SEMA6D: variants seen among roughly 807,000 people sequenced by gnomAD.
SEMA6D encodes the protein semaphorin 6D.
In SEMA6D, 35 loss-of-function variants were observed where a neutral mutation model predicts 106.6. The observed-to-expected ratio is 0.33, with a 90% confidence interval of 0.25 to 0.44. SEMA6D has a LOEUF of 0.44. Among genes scored for constraint, SEMA6D ranks in the 20% least tolerant of loss-of-function variants. SEMA6D has a pLI of 1.00. For synonymous variants in SEMA6D, 499 were observed against 487.7 expected, an observed-to-expected ratio of 1.02 and a Z score of -0.31; for missense variants, 1,185 against 1,345.9, an observed-to-expected ratio of 0.88 and a Z score of 1.87.
chr15:47,199,868 G>A (rs562879159), intron 1 of SEMA6D, among the ~76,000 whole-genome samples: 1 of 152,196 alleles, frequency 6.6e-6, no homozygotes, highest in South Asian at 2.1e-4. Context: ...TGTGCATTTT[G>A]CAGTGAGCTA....
At chr15:47,542,409 G>A (rs1279881116) in intron 3 of SEMA6D, among the ~76,000 whole-genome samples, 1 of 152,146 alleles carries the variant, frequency 6.6e-6, no homozygotes, top group African/African-American at 2.4e-5. Context: ...GCAGACCATA[G>A]AAATGTGTTT....
At chr15:47,515,678 G>A (rs2044365418) in intron 3 of SEMA6D, among the ~76,000 whole-genome samples, 1 of 152,192 alleles carries the variant, frequency 6.6e-6, no homozygotes, top group Non-Finnish European at 1.5e-5. Context: ...AGTTTGTGGA[G>A]AGCATTTCCT....
intron 1 of SEMA6D, among the ~76,000 whole-genome samples, chr15:47,305,522 T>C (rs930965775): frequency 7.2e-5 from 11 of 152,236 alleles, no homozygotes; most frequent in Non-Finnish European, 1.2e-4. Flanking sequence ...CTGTGTTCAC[T>C]AAAAATAAGG....
At chr15:47,541,794 G>T (rs1007249095) in intron 3 of SEMA6D, among the ~76,000 whole-genome samples, 3 of 152,122 alleles carry the variant, frequency 2.0e-5, no homozygotes, top group African/African-American at 4.8e-5. Flanking sequence ...GAGCTGCCAA[G>T]ATTACAATCA....
At chr15:47,303,899 C>T (rs982226121) in intron 1 of SEMA6D, among the ~76,000 whole-genome samples, 1 of 152,064 alleles carries the variant, frequency 6.6e-6, no homozygotes, top group East Asian at 1.9e-4. Flanking sequence ...TGCTGCCTCT[C>T]CTGATGACAA....
intron 3 of SEMA6D, among the ~76,000 whole-genome samples, chr15:47,593,563 A>C (rs548219906): frequency 6.6e-6 from 1 of 152,174 alleles, no homozygotes; most frequent in South Asian, 2.1e-4. Context: ...TTCAAACACC[A>C]AGACATTCTC....
intron 4 of SEMA6D, among the ~76,000 whole-genome samples, chr15:47,699,017 G>A (rs909494682): frequency 1.3e-5 from 2 of 152,148 alleles, no homozygotes; most frequent in African/African-American, 4.8e-5. Context: ...AGAAGTGACT[G>A]ATTTTAAAAG....
At chr15:47,617,159 G>A (rs1051340876) in intron 4 of SEMA6D, among the ~76,000 whole-genome samples, 1 of 152,172 alleles carries the variant, frequency 6.6e-6, no homozygotes, top group Non-Finnish European at 1.5e-5. Flanking sequence ...TCCCTCAGAA[G>A]CTGGAGCTCG....
chr15:47,549,423 C>T (rs1296908401), intron 3 of SEMA6D, among the ~76,000 whole-genome samples: 1 of 152,116 alleles, frequency 6.6e-6, no homozygotes, highest in East Asian at 1.9e-4. Context: ...CTTTTCTTTC[C>T]CCAGCACAGT....
chr15:47,452,044 A>G (rs1314840236), intron 2 of SEMA6D, among the ~76,000 whole-genome samples: 1 of 151,972 alleles, frequency 6.6e-6, no homozygotes, highest in East Asian at 1.9e-4. Context: ...TGTGTTGTTC[A>G]TACGTAGACC....
At position 47,771,699 on chromosome 15, in the gene SEMA6D, C is replaced by G; in HGVS notation, c.3136C>G (p.Pro1046Ala). Reference sequence around the variant, plus strand: ...TCCTAGGACGGGACTAAAGAGGACGCCGTCCTTAAAACCTGACGTGCCACC... The same window carrying G: ...TCCTAGGACGGGACTAAAGAGGACGGCGTCCTTAAAACCTGACGTGCCACC... ...TLPRTGLKRT[P>A]SLKPDVPPKP... The change falls in exon 19 of 19, where the codon CCG becomes GCG. Residue 1046 changes from proline to alanine, a missense_variant. Coordinates refer to ENST00000536845, the MANE Select transcript of SEMA6D (RefSeq NM_001358351.3). 6.2e-7 allele frequency: 1 copy of G among 1,614,052 alleles called. No homozygotes were observed. Among genetic ancestry groups the G allele is most frequent in the South Asian group, 1.1e-5 (1 of 91,070 alleles).
chr15:47,352,638 T>A (rs2038369483), intron 1 of SEMA6D, among the ~76,000 whole-genome samples: 1 of 152,240 alleles, frequency 6.6e-6, no homozygotes. Context: ...GTACATTGGA[T>A]GCTAAAGAGA....
At chr15:47,432,570 TATATACATATACAGCTATATGC>T (rs1466942087) in intron 2 of SEMA6D, among the ~76,000 whole-genome samples, 1 of 152,022 alleles carries the variant, frequency 6.6e-6, no homozygotes, top group African/African-American at 2.4e-5. Flanking sequence ...TACGCATATG[TATATACATATACAGCTATATGC>T]ATATGTATAT....
At chr15:47,770,244 G>T (rs946988446) in intron 18 of SEMA6D, among the ~76,000 whole-genome samples, 20 of 152,068 alleles carry the variant, frequency 1.3e-4, no homozygotes, top group African/African-American at 4.6e-4. Context: ...ATGAGGGATT[G>T]GAGGAAAAGA....
chr15:47,298,006 T>C (rs1282791609), intron 1 of SEMA6D, among the ~76,000 whole-genome samples: 1 of 152,218 alleles, frequency 6.6e-6, no homozygotes, highest in Non-Finnish European at 1.5e-5. Flanking sequence ...CTGATCCTTA[T>C]AGCCTGCAGT....
intron 3 of SEMA6D, among the ~76,000 whole-genome samples, chr15:47,534,335 C>T (rs372349571): frequency 1.3e-5 from 2 of 151,878 alleles, no homozygotes; most frequent in African/African-American, 2.4e-5. Context: ...GGATTACAGG[C>T]GTGCCCAGCT....
intron 4 of SEMA6D, among the ~76,000 whole-genome samples, chr15:47,662,855 GCGCACACACA>G (rs1162666468): frequency 1.6e-4 from 17 of 104,762 alleles, no homozygotes; most frequent in South Asian, 1.4e-3. Flanking sequence ...GCGTGTATGA[GCGCACACACA>G]CACACACACA....
chr15:47,617,809 C>T (rs59972130), intron 4 of SEMA6D, among the ~76,000 whole-genome samples: 146 of 152,298 alleles, frequency 9.6e-4, no homozygotes, highest in African/African-American at 3.2e-3. Flanking sequence ...TATATAAACA[C>T]TTAGAACATT....
intron 3 of SEMA6D, among the ~76,000 whole-genome samples, chr15:47,529,407 G>A (rs766682789): frequency 5.3e-5 from 8 of 152,152 alleles, no homozygotes; most frequent in African/African-American, 1.4e-4. Context: ...GTTCAAACCC[G>A]TGTTGTTGAA....
Sources: gnomAD v4.1 joint callset for allele counts (sites outside exome capture counted in the v4.1 genomes callset) on GRCh38, gnomAD v4.1.1 for gene constraint, MANE v1.5 for transcripts, NCBI Gene and HGNC (gene_info 2026-07-23, HGNC 2026-07-21) for gene names.